MEF2A: variants seen among roughly 807,000 people sequenced by gnomAD.
The protein encoded by MEF2A is myocyte-specific enhancer factor 2A.
MEF2A carries 28 observed loss-of-function variants against 55.8 expected under a neutral mutation model. That is an observed-to-expected ratio of 0.50 (90% CI 0.37 to 0.69). The LOEUF (loss-of-function observed/expected upper bound fraction) is 0.69. Ranked by LOEUF, MEF2A falls within the 30% of genes least tolerant of loss-of-function variation. The pLI is 0.00. For missense variants in MEF2A, 528 were observed against 626.2 expected (o/e 0.84, Z 1.67); for synonymous variants, 239 against 227.1 (o/e 1.05, Z -0.47).
At chr15:99,633,273 C>CTA (rs2043217867) in intron 3 of MEF2A, 100 bp downstream of exon 3, 1 of 780,022 alleles carries the variant, frequency 1.3e-6, no homozygotes, top group Non-Finnish European at 1.9e-6. Context: ...AATTTTAAGT[C>CTA]TAAATATTTT....
rs1597352731 is a variant in MEF2A, at chr15:99,712,309, C to T, written c.1137-81C>T. The stretch of plus-strand genomic sequence containing the variant: ...TTTCAGACTCTGGGCCCTTTTCCAT[C>T]AGGCAGTGTCTCTACTGTATCATCC... On this transcript the variant is annotated intron_variant, in intron 11 of 11. Transcript: ENST00000557942. The surrounding 1 kb of genome is among the most constrained non-coding windows in gnomAD (Gnocchi z 4.1). 7.6e-6 allele frequency: 11 copies of T among 1,442,852 alleles called. No individual in the cohort carries two copies. In the East Asian group the frequency reaches 2.5e-4, roughly 33 times the overall value. 89.4% of individuals were successfully genotyped at this position (1,442,852 alleles called of 1,614,324 possible).
intron 1 of MEF2A, among the ~76,000 whole-genome samples, chr15:99,568,381 T>G (rs1046759787): frequency 1.3e-5 from 2 of 152,218 alleles, no homozygotes; most frequent in Non-Finnish European, 2.9e-5. Context: ...TTGAGTTGTT[T>G]CAAATGGTGA....
At chr15:99,676,111 A>G (rs1485441371) in intron 7 of MEF2A, among the ~76,000 whole-genome samples, 1 of 152,156 alleles carries the variant, frequency 6.6e-6, no homozygotes, top group Non-Finnish European at 1.5e-5. Context: ...ACAAACATCA[A>G]TAAAGATATT....
At chr15:99,667,022 G>T (rs186612200) in intron 4 of MEF2A, among the ~76,000 whole-genome samples, 1 of 152,268 alleles carries the variant, frequency 6.6e-6, no homozygotes, top group Admixed American at 6.5e-5. Flanking sequence ...AACGAATACA[G>T]ATTAATCAAA....
rs2057646086 is a variant in MEF2A at position 99,703,347 on chromosome 15, AT to A, written c.859-14del. 6.2e-7 allele frequency: 1 copy of A among 1,612,416 alleles called. No homozygotes were observed. The highest frequency in any genetic ancestry group is 1.7e-5 in the Admixed American group (1 of 59,926). On this transcript the variant is annotated splice_polypyrimidine_tract_variant and intron_variant, in intron 8 of 11. Coordinates refer to ENST00000557942, the MANE Select transcript of MEF2A (RefSeq NM_001319206.4). ...TCTTAGTAACTCTCTTATCCCTCTTATGTGCTGAGTACAGTCGGAGGAAGAG... is the reference window on the plus strand; with the variant it reads ...TCTTAGTAACTCTCTTATCCCTCTTAGTGCTGAGTACAGTCGGAGGAAGAG...
chr15:99,574,393 G>A (rs1007751168), intron 1 of MEF2A, among the ~76,000 whole-genome samples: 2 of 152,078 alleles, frequency 1.3e-5, no homozygotes, highest in Non-Finnish European at 2.9e-5. Flanking sequence ...TACATTTATT[G>A]TACACTTTAT....
intron 7 of MEF2A, among the ~76,000 whole-genome samples, chr15:99,680,883 C>A (rs1047647637): frequency 1.3e-5 from 2 of 152,106 alleles, no homozygotes; most frequent in African/African-American, 2.4e-5. Flanking sequence ...TAGAATATTT[C>A]TTTATTTATT....
At chr15:99,699,976 GTGTGTGTGTATA>G (rs1567483116) in intron 8 of MEF2A, among the ~76,000 whole-genome samples, 2 of 99,988 alleles carry the variant, frequency 2.0e-5, no homozygotes, top group East Asian at 7.0e-4. Flanking sequence ...GTGTGTGTGT[GTGTGTGTGTATA>G]TATATATATA....
chr15:99,669,274 A>G (rs916144159), intron 4 of MEF2A, among the ~76,000 whole-genome samples: 4 of 152,228 alleles, frequency 2.6e-5, no homozygotes, highest in Admixed American at 6.5e-5. Context: ...GAAATATCAG[A>G]GATTTAGGAC....
chr15:99,668,200 T>C (rs1024629233), intron 4 of MEF2A, among the ~76,000 whole-genome samples: 2 of 152,200 alleles, frequency 1.3e-5, no homozygotes, highest in Non-Finnish European at 1.5e-5. Context: ...ATGAAAAATA[T>C]AGGTGTGTTA....
intron 2 of MEF2A, among the ~76,000 whole-genome samples, chr15:99,610,011 T>G (rs1469552118): frequency 6.6e-6 from 1 of 152,120 alleles, no homozygotes; most frequent in Non-Finnish European, 1.5e-5. Flanking sequence ...AGATCAATTT[T>G]TTTTCATTCT....
chr15:99,603,193 AT>A (rs79162368), intron 2 of MEF2A, among the ~76,000 whole-genome samples: 1 of 151,522 alleles, frequency 6.6e-6, no homozygotes, highest in Non-Finnish European at 1.5e-5. Flanking sequence ...TTCCATTGTG[AT>A]TTTTTTTCCT....
At chr15:99,675,163 C>A (rs1164725687) in intron 6 of MEF2A, among the ~76,000 whole-genome samples, 1 of 152,046 alleles carries the variant, frequency 6.6e-6, no homozygotes, top group East Asian at 1.9e-4. Flanking sequence ...TGATGCAATA[C>A]CACTATTTGG....
intron 2 of MEF2A, among the ~76,000 whole-genome samples, chr15:99,620,480 G>A (rs2040955990): frequency 6.6e-6 from 1 of 152,142 alleles, no homozygotes; most frequent in Admixed American, 6.5e-5. Flanking sequence ...TAGAATGATG[G>A]CCTCCAGCTG....
intron 8 of MEF2A, among the ~76,000 whole-genome samples, chr15:99,697,201 A>G (rs2056608203): frequency 6.6e-6 from 1 of 152,062 alleles, no homozygotes. Flanking sequence ...TTTTCTCACC[A>G]GTCATATTTA....
At position 99,712,252 on chromosome 15, in the gene MEF2A, A is replaced by C. The variant is rs2058717059; in HGVS notation, c.1137-138A>C. 7.1e-7 allele frequency: 1 copy of C among 1,400,232 alleles called. No individual in the cohort carries two copies. The highest frequency in any genetic ancestry group is 2.9e-5 in the Admixed American group (1 of 34,672). The allele number at this position is 1,400,232 out of a possible 1,614,324, so 86.7% of individuals were successfully genotyped here. ...TTTGTGCCAAGCACTGAAGGAAACG[A>C]CCCAAACCAGTCTTGGGGAACTCTG... is the stretch of plus-strand genomic sequence containing the variant. On this transcript the variant is annotated intron_variant, in intron 11 of 11. Coordinates refer to ENST00000557942, the MANE Select transcript of MEF2A (RefSeq NM_001319206.4). The surrounding 1 kb of genome is among the most constrained non-coding windows in gnomAD (Gnocchi z 4.1).
At chr15:99,581,168 G>A (rs1965806377) in intron 1 of MEF2A, among the ~76,000 whole-genome samples, 1 of 152,050 alleles carries the variant, frequency 6.6e-6, no homozygotes, top group African/African-American at 2.4e-5. Flanking sequence ...TAGTCTGTCA[G>A]TATTTTCTGT....
rs1363239077 is a variant in MEF2A at position 99,710,549 on chromosome 15, T to A, written c.1010-85T>A. 4 of 1,539,490 alleles carry A rather than the reference T, an allele frequency of 2.6e-6. No individual in the cohort carries two copies. The African/African-American group carries it at 5.4e-5, about 21-fold the overall frequency. On this transcript the variant is annotated intron_variant, in intron 10 of 11. Coordinates refer to ENST00000557942, the MANE Select transcript of MEF2A (RefSeq NM_001319206.4). ...TGAGCCAGCATGGCTGGCCTCAATGTAGGAACTTTTGCAGTAGCTACGTAA... is the reference window on the plus strand; with the variant it reads ...TGAGCCAGCATGGCTGGCCTCAATGAAGGAACTTTTGCAGTAGCTACGTAA...
At chr15:99,654,557 TAAA>T (rs1009843070) in intron 4 of MEF2A, among the ~76,000 whole-genome samples, 5 of 133,362 alleles carry the variant, frequency 3.7e-5, no homozygotes, top group Non-Finnish European at 7.9e-5. Flanking sequence ...AATAAATAAA[TAAA>T]TAAAAATAAA....
Sources: allele counts gnomAD v4.1 joint callset (sites outside exome capture counted in the v4.1 genomes callset), GRCh38; gene constraint gnomAD v4.1.1; non-coding constraint Gnocchi (gnomAD v3.1); transcripts MANE v1.5; gene names NCBI Gene and HGNC (gene_info 2026-07-23, HGNC 2026-07-21).